The following IL1RAPL1 variants were observed in gnomAD, a reference collection of about 807,000 sequenced individuals.
IL1RAPL1 encodes interleukin 1 receptor accessory protein like 1, also known as interleukin-1 receptor accessory protein-like 1.
A neutral mutation model predicts 48.4 loss-of-function variants in IL1RAPL1; 3 were observed. The observed-to-expected ratio is 0.06, with a 90% CI of 0.03 to 0.16. The LOEUF (loss-of-function observed/expected upper bound fraction) is 0.16, where lower values mean the gene tolerates loss of function less well. Among genes scored for constraint, IL1RAPL1 ranks in the 10% least tolerant of loss-of-function variants. The probability of loss-of-function intolerance (pLI) is 1.00; values close to 1 mark genes in which losing one functional copy is unlikely to be tolerated. For missense variants in IL1RAPL1, 349 were observed against 530.6 expected (o/e 0.66, Z 3.36); for synonymous variants, 185 against 187.7 (o/e 0.99, Z 0.12).
chrX:29,322,221 CTG>C (rs1232985668), intron 3 of IL1RAPL1, among the ~76,000 whole-genome samples: 2 of 107,464 alleles, frequency 1.9e-5, no homozygotes, highest in African/African-American at 6.8e-5. Flanking sequence ...TTCTTTCTTT[CTG>C]TCTTTCTTTC....
intron 2 of IL1RAPL1, among the ~76,000 whole-genome samples, chrX:29,279,366 G>T (rs1932165940): frequency 9.0e-6 from 1 of 110,618 alleles, no homozygotes; most frequent in Non-Finnish European, 1.9e-5. Context: ...AACCTGGGAG[G>T]CGGAGGTTGC....
At chrX:28,633,719 G>T (rs777575249) in intron 1 of IL1RAPL1, among the ~76,000 whole-genome samples, 34 of 112,047 alleles carry the variant, frequency 3.0e-4, no homozygotes, top group South Asian at 1.1e-3. Context: ...TTACATCTTT[G>T]AAGTGAACTT....
intron 2 of IL1RAPL1, among the ~76,000 whole-genome samples, chrX:29,128,706 A>C (rs1928951115): frequency 1.8e-5 from 2 of 111,305 alleles, no homozygotes; most frequent in African/African-American, 6.5e-5. Context: ...GTTATTCACC[A>C]TTGTTTCCTC....
At chrX:29,058,596 T>C (rs1318389715) in intron 2 of IL1RAPL1, among the ~76,000 whole-genome samples, 1 of 112,072 alleles carries the variant, frequency 8.9e-6, no homozygotes, top group Non-Finnish European at 1.9e-5. Flanking sequence ...AAATTAACAT[T>C]TATCCTAGGG....
chrX:29,832,445 A>C (rs928967653), intron 6 of IL1RAPL1, among the ~76,000 whole-genome samples: 3 of 111,579 alleles, frequency 2.7e-5, no homozygotes, highest in African/African-American at 9.8e-5. Context: ...CGGGAATTAG[A>C]GGCAGAAAAG....
At chrX:28,607,967 C>A (rs1934105130) in intron 1 of IL1RAPL1, among the ~76,000 whole-genome samples, 1 of 111,395 alleles carries the variant, frequency 9.0e-6, no homozygotes, top group African/African-American at 3.3e-5. Context: ...AGGCTCTAAT[C>A]TCCCAAATTA....
At chrX:28,787,507 A>C (rs1353689612) in intron 1 of IL1RAPL1, among the ~76,000 whole-genome samples, 1 of 111,639 alleles carries the variant, frequency 9.0e-6, no homozygotes, top group African/African-American at 3.3e-5. Flanking sequence ...ATGTAAACTT[A>C]AGGTCTTTGG....
At chrX:29,112,364 A>C (rs1928589017) in intron 2 of IL1RAPL1, among the ~76,000 whole-genome samples, 1 of 111,872 alleles carries the variant, frequency 8.9e-6, no homozygotes, top group African/African-American at 3.2e-5. Context: ...CCCTAAGATC[A>C]TACAAATATT....
intron 6 of IL1RAPL1, among the ~76,000 whole-genome samples, chrX:29,852,903 T>A (rs918110378): frequency 8.1e-5 from 9 of 111,540 alleles, no homozygotes; most frequent in African/African-American, 2.9e-4. Flanking sequence ...GCACAAATAA[T>A]TATGGCACAG....
chrX:28,746,823 G>A (rs1243549227), intron 1 of IL1RAPL1, among the ~76,000 whole-genome samples: 1 of 111,413 alleles, frequency 9.0e-6, no homozygotes, highest in African/African-American at 3.2e-5. Context: ...GTATGTACTT[G>A]CAAAATTCTT....
At chrX:29,605,624 A>G (rs1923868545) in intron 5 of IL1RAPL1, among the ~76,000 whole-genome samples, 1 of 111,704 alleles carries the variant, frequency 9.0e-6, no homozygotes, top group Admixed American at 9.5e-5. Context: ...GAAGATGCTA[A>G]AAAGAAAAAG....
At chrX:29,130,486 T>C (rs1357140897) in intron 2 of IL1RAPL1, among the ~76,000 whole-genome samples, 2 of 112,273 alleles carry the variant, frequency 1.8e-5, no homozygotes, top group Non-Finnish European at 3.8e-5. Context: ...AAATTTCTTA[T>C]TCAACTCAGC....
chrX:29,898,659 A>G (rs1353673094), intron 6 of IL1RAPL1, among the ~76,000 whole-genome samples: 1 of 110,491 alleles, frequency 9.1e-6, no homozygotes, highest in Non-Finnish European at 1.9e-5. Context: ...GTAACTACAG[A>G]TAGAATACGA....
At chrX:29,162,631 C>T (rs1043369928) in intron 2 of IL1RAPL1, among the ~76,000 whole-genome samples, 1 of 111,007 alleles carries the variant, frequency 9.0e-6, no homozygotes, top group African/African-American at 3.3e-5. Flanking sequence ...TTTTAAACAG[C>T]TGTAAATATT....
intron 8 of IL1RAPL1, among the ~76,000 whole-genome samples, chrX:29,933,365 ATGAAGT>A (rs1257530127): frequency 2.7e-5 from 3 of 111,712 alleles, no homozygotes; most frequent in Non-Finnish European, 5.6e-5. Flanking sequence ...AATCTATACT[ATGAAGT>A]TGATCATTTT....
intron 5 of IL1RAPL1, among the ~76,000 whole-genome samples, chrX:29,489,001 C>G (rs1935127558): frequency 1.8e-5 from 2 of 110,976 alleles, no homozygotes; most frequent in South Asian, 7.9e-4. Flanking sequence ...CCACAAATCT[C>G]TCTTTGTTTT....
At position 29,153,977 on chromosome X, in the gene IL1RAPL1, C is replaced by T. The variant is rs766284296; in HGVS notation, c.83-128961C>T. The stretch of plus-strand genomic sequence containing the variant: ...GAGAAAACTTAGAAACCATCTCCTA[C>T]GAGCTCTTTGCTTTTCTTGCGAAGT... On this transcript the variant is annotated intron_variant, in intron 2 of 10. Transcript: ENST00000378993. 9.8e-5 allele frequency among the ~76,000 whole-genome samples: 11 copies of T among 112,207 alleles called. No individual in the cohort carries two copies. In the South Asian group the frequency reaches 1.1e-3, roughly 11 times the overall value.
At position 29,205,756 on chromosome X, in the gene IL1RAPL1, A is replaced by G. The variant is rs928103131; in HGVS notation, c.83-77182A>G. Among the ~76,000 whole-genome samples the G allele has an allele frequency of 1.7e-4, 19 of 108,941 alleles. 1 individual carries two copies. Among genetic ancestry groups the G allele is most frequent in the Admixed American group, 5.0e-4 (5 of 10,009 alleles). The allele number at this position is 108,941 out of a possible 115,157, so 94.6% of individuals were successfully genotyped here. A position where few individuals can be genotyped will look rare whatever the true frequency, so the allele number is the denominator to read the frequency against. ...TTTTATTATTATTATTTTTTTTGAG[A>G]TGGAGTCTCACTCTGTCGCCCAGGC... On this transcript the variant is annotated intron_variant, in intron 2 of 10. Transcript: ENST00000378993.
At chrX:28,609,935 CTATT>C (rs1370102147) in intron 1 of IL1RAPL1, among the ~76,000 whole-genome samples, 1 of 111,603 alleles carries the variant, frequency 9.0e-6, no homozygotes, top group Non-Finnish European at 1.9e-5. Context: ...GCCTGAGATG[CTATT>C]TATTTAGCTC....
Sources: allele counts gnomAD v4.1 joint callset (sites outside exome capture counted in the v4.1 genomes callset), GRCh38; gene constraint gnomAD v4.1.1; transcripts MANE v1.5; gene names NCBI Gene and HGNC (gene_info 2026-07-23, HGNC 2026-07-21).